The following REXO1 variants were observed in gnomAD, a reference collection of about 807,000 sequenced individuals.
The protein encoded by REXO1 is REX1, RNA exonuclease 1 homolog.
A neutral mutation model predicts 102.6 loss-of-function variants in REXO1; 42 were observed. That is an observed-to-expected ratio of 0.41 (90% CI 0.32 to 0.53). The LOEUF is 0.53. REXO1 is among the 20% of genes least tolerant of loss of function. REXO1 has a pLI of 0.27. For synonymous variants in REXO1, 908 were observed against 779.1 expected (o/e 1.17, Z -2.76); for missense variants, 1,819 against 1,732.5 (o/e 1.05, Z -0.89).
chr19:1,818,689 G>A lies in REXO1; in HGVS notation c.2902+17C>T, dbSNP rs931751640. ...CCCGCACCTGCCCACCTAGGCCGTC[G>A]CAGGCCAGCGACTCACAGTCCTTGG... On this transcript the variant is annotated intron_variant, in intron 9 of 15. Transcript: ENST00000170168. 15 of 1,609,918 alleles carry A rather than the reference G, an allele frequency of 9.3e-6. No individual in the cohort carries two copies. Among genetic ancestry groups the A allele is most frequent in the African/African-American group, 8.0e-5 (6 of 74,860 alleles).
At chr19:1,836,574 C>T (rs548829118) in intron 1 of REXO1, among the ~76,000 whole-genome samples, 2 of 152,022 alleles carry the variant, frequency 1.3e-5, no homozygotes, top group East Asian at 1.9e-4. Context: ...GGTAAAACCC[C>T]GTCTCTACTA....
Position 1,827,612 on chromosome 19 carries a change from C to A in REXO1, c.1177G>T (p.Ala393Ser), listed in dbSNP as rs1311003085. 1.3e-6 allele frequency: 2 copies of A among 1,581,036 alleles called. No homozygotes were observed. The highest frequency in any genetic ancestry group is 1.7e-6 in the Non-Finnish European group (2 of 1,173,608). Residue 393 changes from alanine (A) to serine (S), a missense_variant, in exon 2 of 16, where the codon GCC becomes TCC. By Grantham distance (99) the Ala-to-Ser change is moderately conservative. Coordinates refer to ENST00000170168, the MANE Select transcript of REXO1 (RefSeq NM_020695.4). ...APPAPSCKDG[A>S]QGKDKTKDKG... ...TCCTTGGTCTTGTCCTTCCCCTGGG[C>A]CCCGTCTTTGCAGCTGGGGGCAGGT...
At position 1,827,551 on chromosome 19, in the gene REXO1, G is replaced by C. The variant is rs771264234; in HGVS notation, c.1238C>G (p.Ala413Gly). 2.5e-6 allele frequency: 4 copies of C among 1,593,748 alleles called. No homozygotes were observed. Among genetic ancestry groups the C allele is most frequent in the South Asian group, 1.1e-5 (1 of 88,742 alleles). ...GCTGGCCTGCGGGCCCTTCTTGTCC[G>C]CACGGGGCTTCTCCACAGGCCGCCC... ...GRGRPVEKPR[A>G]DKKGPQASSP... The change falls in exon 2 of 16, where the codon GCG becomes GGG. Residue 413 changes from alanine to glycine, a missense_variant. By Grantham distance (60) the Ala-to-Gly change is moderately conservative. Transcript: ENST00000170168.
At chr19:1,832,793 G>A (rs1000843656) in intron 1 of REXO1, among the ~76,000 whole-genome samples, 1 of 151,766 alleles carries the variant, frequency 6.6e-6, no homozygotes, top group Admixed American at 6.6e-5. Flanking sequence ...GCGTGCACCT[G>A]TAATCCCAGC....
intron 1 of REXO1, among the ~76,000 whole-genome samples, chr19:1,846,692 C>A (rs959181652): frequency 6.6e-6 from 1 of 152,160 alleles, no homozygotes; most frequent in East Asian, 1.9e-4. Context: ...AGTTTTGAGA[C>A]AAGCCTGGAC....
intron 6 of REXO1, 46 bp from the exon 7 acceptor site, chr19:1,820,103 C>T (rs767518280): frequency 7.0e-6 from 11 of 1,580,984 alleles, no homozygotes; most frequent in East Asian, 4.5e-5. Context: ...TGCCTGGTGC[C>T]GGGGAGCCCC....
Position 1,827,755 on chromosome 19 carries a change from T to A in REXO1, c.1034A>T (p.Asp345Val), listed in dbSNP as rs2069781885. 6 of 1,574,704 alleles carry A rather than the reference T, an allele frequency of 3.8e-6. No individual in the cohort carries two copies. The South Asian group carries it at 6.8e-5, about 18-fold the overall frequency. The change falls in exon 2 of 16, where the codon GAC becomes GTC. Residue 345 changes from aspartate (D) to valine (V), a missense_variant. By Grantham distance (152) the Asp-to-Val change is radical (BLOSUM62 -3). Transcript: ENST00000170168. ...RETKETAVQC[D>V]VGDLQPPPAK... ...TGGGGGCGGCTGGAGGTCCCCCACGTCGCACTGCACGGCCGTCTCCTTGGT... is the reference window on the plus strand; with the variant it reads ...TGGGGGCGGCTGGAGGTCCCCCACGACGCACTGCACGGCCGTCTCCTTGGT...
chr19:1,837,689 G>C (rs1171481043), intron 1 of REXO1, among the ~76,000 whole-genome samples: 1 of 152,132 alleles, frequency 6.6e-6, no homozygotes, highest in Non-Finnish European at 1.5e-5. Flanking sequence ...CTGCCCCCAG[G>C]GTTCTCCTCG....
Position 1,827,938 on chromosome 19 carries a change from G to A in REXO1, c.851C>T (p.Ala284Val). ...CTCATCTTCTGAGTCTGAGAACCTT[G>A]CATCGCAACTGCCAAAGGGGTCACA... ...KLCDPFGSCD[A>V]RFSDSEDEAA... Residue 284 changes from alanine (A) to valine (V), a missense_variant, in exon 2 of 16, where the codon GCA becomes GTA. By Grantham distance (64) the Ala-to-Val change is moderately conservative (BLOSUM62 0). Coordinates refer to ENST00000170168, the MANE Select transcript of REXO1 (RefSeq NM_020695.4). 6.2e-7 allele frequency: 1 copy of A among 1,613,780 alleles called. No individual in the cohort carries two copies. The highest frequency in any genetic ancestry group is 1.1e-5 in the South Asian group (1 of 91,088).
At position 1,827,379 on chromosome 19, in the gene REXO1, G is replaced by A; in HGVS notation, c.1410C>T (p.Gly470=). 1 of 1,532,124 alleles carries A rather than the reference G, an allele frequency of 6.5e-7. No homozygotes were observed. Among genetic ancestry groups the A allele is most frequent in the Middle Eastern group, 1.8e-4 (1 of 5,452 alleles). 94.9% of individuals were successfully genotyped at this position (1,532,124 alleles called of 1,614,324 possible). ...GCTGGAGGGGGCGGGGTGGGCCTCT[G>A]CCGGCCGCCGGTCGGGAGTCCCCGC... ...PTSGDSRPAA[G]RGPPRPLQLP... is the part of the protein sequence containing the mutation. The change falls in exon 2 of 16, where the codon GGC becomes GGT. Residue 470 remains glycine (G), a synonymous_variant. Coordinates refer to ENST00000170168, the MANE Select transcript of REXO1 (RefSeq NM_020695.4).
rs774868511 is a variant in REXO1, at chr19:1,827,503, C to T, written c.1286G>A (p.Arg429Gln). 2.8e-5 allele frequency: 45 copies of T among 1,580,974 alleles called. No individual in the cohort carries two copies. The East Asian group carries it at 3.6e-4, about 13-fold the overall frequency. The stretch of plus-strand genomic sequence containing the variant: ...TGGCTTCTTCTTGGTCCCTTCCGGC[C>T]GCTCTGCCTTGCGCCGGGGGCTGCT... Reference protein sequence around the residue: ...QASSPRRKAERPEGTKKKPSS... With the variant: ...QASSPRRKAEQPEGTKKKPSS... Residue 429 changes from arginine to glutamine, a missense_variant, in exon 2 of 16, where the codon CGG becomes CAG. By Grantham distance (43) the Arg-to-Gln change is conservative. Coordinates refer to ENST00000170168, the MANE Select transcript of REXO1 (RefSeq NM_020695.4).
chr19:1,828,382 G>A lies in REXO1; in HGVS notation c.407C>T (p.Pro136Leu), dbSNP rs1599147322. ...ALAPRGPNAS[P>L]TVGPDEDAFP... ...GGCATCCTCGTCCGGGCCCACAGTG[G>A]GGCTGGCGTTGGGGCCGCGGGGCGC... is the stretch of plus-strand genomic sequence containing the variant. The change falls in exon 2 of 16, where the codon CCC becomes CTC. Residue 136 changes from proline (P) to leucine (L), a missense_variant. By Grantham distance (98) the Pro-to-Leu change is moderately conservative. Transcript: ENST00000170168. The A allele has an allele frequency of 6.2e-7, 1 of 1,608,466 alleles. No individual in the cohort carries two copies. Among genetic ancestry groups the A allele is most frequent in the East Asian group, 2.2e-5 (1 of 44,706 alleles).
chr19:1,823,203 T>G (rs1015193216), intron 4 of REXO1: 17 of 248,988 alleles, frequency 6.8e-5, no homozygotes, highest in Admixed American at 6.7e-4. Context: ...CGCCCCCCAC[T>G]CACACGCCAG....
chr19:1,821,307 T>C (rs1779601268), intron 5 of REXO1, among the ~76,000 whole-genome samples: 1 of 148,418 alleles, frequency 6.7e-6, no homozygotes, highest in Non-Finnish European at 1.5e-5. Context: ...ATCGTGCCAC[T>C]GCACTCCAGC....
chr19:1,816,290 A>G lies in REXO1; in HGVS notation c.3512T>C (p.Leu1171Pro). 6.3e-7 allele frequency: 1 copy of G among 1,588,218 alleles called. No individual in the cohort carries two copies. Among genetic ancestry groups the G allele is most frequent in the Non-Finnish European group, 8.6e-7 (1 of 1,167,752 alleles). Reference sequence around the variant, plus strand: ...GTTCCGCAGGGACCGCTTGTAGGGGAGGCCCAGGCGGTGGGGGAAGAGCAC... The same window carrying G: ...GTTCCGCAGGGACCGCTTGTAGGGGGGGCCCAGGCGGTGGGGGAAGAGCAC... ...TSVLFPHRLG[L>P]PYKRSLRNLM... Residue 1171 changes from leucine to proline, a missense_variant, in exon 15 of 16, where the codon CTC becomes CCC. Transcript: ENST00000170168.
At chr19:1,817,357 A>AGGTT (rs1206989354) in intron 11 of REXO1, 28 bp from the exon 12 acceptor site, 1 of 1,609,928 alleles carries the variant, frequency 6.2e-7, no homozygotes. Flanking sequence ...AGGTGAGGGC[A>AGGTT]GCTTCGGGGT....
rs1187628962 is a variant in REXO1 at position 1,828,332 on chromosome 19, G to A, written c.457C>T (p.Pro153Ser). 4 of 1,609,876 alleles carry A rather than the reference G, an allele frequency of 2.5e-6. No individual in the cohort carries two copies. Among genetic ancestry groups the A allele is most frequent in the Non-Finnish European group, 3.4e-6 (4 of 1,178,518 alleles). Reference sequence around the variant, plus strand: ...GGGCTTAATAGGCCGTGGCTGCCGGGGCTGTAGTCGAAGGCCAGTGGGAAG... The same window carrying A: ...GGGCTTAATAGGCCGTGGCTGCCGGAGCTGTAGTCGAAGGCCAGTGGGAAG... Reference protein sequence around the residue: ...DAFPLAFDYSPGSHGLLSPDA... With the variant: ...DAFPLAFDYSSGSHGLLSPDA... The change falls in exon 2 of 16, where the codon CCC becomes TCC. Residue 153 changes from proline to serine, a missense_variant. Transcript: ENST00000170168.
At chr19:1,836,389 C>T (rs2070037232) in intron 1 of REXO1, among the ~76,000 whole-genome samples, 2 of 152,202 alleles carry the variant, frequency 1.3e-5, no homozygotes, top group Admixed American at 1.3e-4. Flanking sequence ...CCGGCAGCTC[C>T]TAGCCCCACA....
At chr19:1,840,442 A>AT (rs1599169645) in intron 1 of REXO1, among the ~76,000 whole-genome samples, 2 of 152,274 alleles carry the variant, frequency 1.3e-5, no homozygotes, top group East Asian at 3.9e-4. Context: ...ATGAGACAGC[A>AT]TATCAACAGT....
Sources: allele counts gnomAD v4.1 joint callset (sites outside exome capture counted in the v4.1 genomes callset), GRCh38; gene constraint gnomAD v4.1.1; transcripts MANE v1.5; gene names NCBI Gene and HGNC (gene_info 2026-07-23, HGNC 2026-07-21).